Variants in DPP6 observed in about 807,000 individuals in gnomAD.
The protein encoded by DPP6 is dipeptidyl peptidase like 6, also known as A-type potassium channel modulatory protein DPP6.
Under a neutral mutation model 122.6 loss-of-function variants are expected in DPP6, and 69 were observed. The observed-to-expected ratio is 0.56, with a 90% confidence interval of 0.46 to 0.69. The LOEUF (loss-of-function observed/expected upper bound fraction) is 0.69, where lower values mean the gene tolerates loss of function less well. DPP6 is among the 30% of genes least tolerant of loss of function. The pLI is 0.00. For synonymous variants in DPP6, 418 were observed against 433.1 expected, an observed-to-expected ratio of 0.97 and a Z score of 0.43; for missense variants, 928 against 1,116.9, an observed-to-expected ratio of 0.83 and a Z score of 2.41.
At chr7:154,687,734 T>C (rs1839701758) in intron 7 of DPP6, among the ~76,000 whole-genome samples, 1 of 152,212 alleles carries the variant, frequency 6.6e-6, no homozygotes, top group African/African-American at 2.4e-5. Context: ...CATTTTTAAG[T>C]CTTCTTGAAG....
intron 5 of DPP6, among the ~76,000 whole-genome samples, chr7:154,574,792 T>TGTGG (rs1831408559): frequency 9.8e-6 from 1 of 102,356 alleles, no homozygotes; most frequent in Non-Finnish European, 1.8e-5. Flanking sequence ...TGTGTGTGTG[T>TGTGG]GGTGTGTGTT....
At chr7:153,759,783 A>G in the DPP6 span, among the ~76,000 whole-genome samples, 2 of 152,244 alleles carry the variant, frequency 1.3e-5, no homozygotes, top group African/African-American at 4.8e-5. Flanking sequence ...AGAAGAAAAC[A>G]TAAAATACCT....
At chr7:153,867,919 T>C in the DPP6 span, among the ~76,000 whole-genome samples, 7 of 152,348 alleles carry the variant, frequency 4.6e-5, no homozygotes, top group South Asian at 2.1e-4. Context: ...CATGTGGTTT[T>C]TGTCTTTGGT....
At chr7:154,510,562 G>A (rs1209643043) in intron 3 of DPP6, among the ~76,000 whole-genome samples, 2 of 152,030 alleles carry the variant, frequency 1.3e-5, no homozygotes, top group African/African-American at 4.8e-5. Flanking sequence ...AGCCGGGTGT[G>A]ATAGCAGGTG....
intron 2 of DPP6, 66 bp downstream of exon 2, chr7:154,446,394 A>G: frequency 8.8e-6 from 11 of 1,253,434 alleles, no homozygotes; most frequent in Non-Finnish European, 1.2e-5. Flanking sequence ...TTACCTTGCA[A>G]TTTTTTTCTA....
At chr7:153,980,722 G>A (rs1226475590) in intron 1 of DPP6, among the ~76,000 whole-genome samples, 1 of 152,108 alleles carries the variant, frequency 6.6e-6, no homozygotes, top group Non-Finnish European at 1.5e-5. Context: ...CTTTAGCTTT[G>A]TCCCAGGGAT....
At chr7:153,908,144 A>G (rs1799931317) in intron 1 of DPP6, among the ~76,000 whole-genome samples, 1 of 145,002 alleles carries the variant, frequency 6.9e-6, no homozygotes, top group Admixed American at 7.3e-5. Flanking sequence ...TGAGTTCTTT[A>G]TAGCTTCCGT....
At chr7:154,652,044 C>T (rs970882829) in intron 6 of DPP6, among the ~76,000 whole-genome samples, 1 of 152,140 alleles carries the variant, frequency 6.6e-6, no homozygotes, top group African/African-American at 2.4e-5. Flanking sequence ...CTCTGTAGTG[C>T]GTGGAAGAGG....
chr7:154,397,276 G>A (rs562811121), intron 1 of DPP6, among the ~76,000 whole-genome samples: 2 of 151,150 alleles, frequency 1.3e-5, no homozygotes, highest in South Asian at 4.2e-4. Flanking sequence ...AGTATAAAGT[G>A]GCTTACCAGA....
the DPP6 span, among the ~76,000 whole-genome samples, chr7:153,792,779 C>T: frequency 6.6e-6 from 1 of 151,522 alleles, no homozygotes; most frequent in Admixed American, 6.6e-5. Context: ...TGAATTGTAT[C>T]TCCCAGAAGT....
At chr7:154,473,878 A>G (rs113837194) in intron 2 of DPP6, among the ~76,000 whole-genome samples, 14 of 152,336 alleles carry the variant, frequency 9.2e-5, no homozygotes, top group African/African-American at 3.1e-4. Flanking sequence ...CACCTCAGTT[A>G]GCACCAAGAT....
chr7:154,789,515 T>G (rs1309162576), intron 10 of DPP6, among the ~76,000 whole-genome samples: 2 of 152,154 alleles, frequency 1.3e-5, no homozygotes, highest in Admixed American at 6.5e-5. Context: ...TGTGTTGCAG[T>G]TAGAGATTTT....
intron 5 of DPP6, among the ~76,000 whole-genome samples, chr7:154,593,393 G>A (rs1832914682): frequency 6.6e-6 from 1 of 152,126 alleles, no homozygotes; most frequent in African/African-American, 2.4e-5. Context: ...TCTTTTCTAC[G>A]AATCTTTGAA....
intron 1 of DPP6, among the ~76,000 whole-genome samples, chr7:154,169,097 CT>C (rs34481659): frequency 0.57 from 86,756 of 151,910 alleles, 28,532 homozygotes; most frequent in East Asian, 0.93. Context: ...GATTGCGCTG[CT>C]GGCTTCTCCA....
At chr7:154,769,159 C>T (rs144765276) in intron 8 of DPP6, among the ~76,000 whole-genome samples, 2 of 152,246 alleles carry the variant, frequency 1.3e-5, no homozygotes, top group Non-Finnish European at 2.9e-5. Context: ...TGTTTCCAGA[C>T]GATTAGCATC....
chr7:154,689,698 C>T (rs147610387), intron 7 of DPP6, among the ~76,000 whole-genome samples: 26 of 152,278 alleles, frequency 1.7e-4, no homozygotes, highest in African/African-American at 5.8e-4. Flanking sequence ...AACTATGCAA[C>T]TATAAAGCCA....
chr7:154,546,169 G>A (rs1282175444), intron 4 of DPP6, among the ~76,000 whole-genome samples: 18 of 150,178 alleles, frequency 1.2e-4, no homozygotes, highest in South Asian at 6.2e-4. Context: ...GGTATGTAGC[G>A]ATACAAAAAA....
At chr7:154,183,403 T>A (rs539226072) in intron 1 of DPP6, among the ~76,000 whole-genome samples, 2 of 152,328 alleles carry the variant, frequency 1.3e-5, no homozygotes, top group African/African-American at 4.8e-5. Context: ...AAGTAATTGT[T>A]TAGTTGTGGC....
At chr7:154,370,368 G>A (rs1431576664) in intron 1 of DPP6, among the ~76,000 whole-genome samples, 1 of 113,798 alleles carries the variant, frequency 8.8e-6, no homozygotes. Context: ...TGGGAGGGGT[G>A]TTTATTTTTT....
Sources: allele counts gnomAD v4.1 joint callset (sites outside exome capture counted in the v4.1 genomes callset), GRCh38; gene constraint gnomAD v4.1.1; transcripts MANE v1.5; gene names NCBI Gene and HGNC (gene_info 2026-07-23, HGNC 2026-07-21).